The following COLGALT1 variants were observed in gnomAD, a reference collection of about 807,000 sequenced individuals.
The protein encoded by COLGALT1 is collagen beta(1-O)galactosyltransferase 1.
Under a neutral mutation model 60.8 loss-of-function variants are expected in COLGALT1, and 43 were observed. The ratio of observed to expected loss-of-function variants is 0.71; its 90% CI spans 0.55 to 0.91. The LOEUF is 0.91. Ranked by LOEUF, COLGALT1 falls within the 40% of genes least tolerant of loss-of-function variation. The pLI is 0.00. For missense variants in COLGALT1, 845 were observed against 880.0 expected (o/e 0.96, Z 0.50); for synonymous variants, 369 against 374.2 (o/e 0.99, Z 0.16).
At chr19:17,577,593 A>G (rs1372519529) in intron 8 of COLGALT1, 126 bp downstream of exon 8, 1 of 870,964 alleles carries the variant, frequency 1.1e-6, no homozygotes, top group East Asian at 2.7e-5. Flanking sequence ...AGACCTCGTC[A>G]GTGGGCGTCC....
chr19:17,564,319 A>T (rs367878687), intron 3 of COLGALT1, among the ~76,000 whole-genome samples: 82 of 151,096 alleles, frequency 5.4e-4, no homozygotes, highest in African/African-American at 2.0e-3. Context: ...ATATACGTGT[A>T]TATGTATATA....
chr19:17,576,252 TGC>T (rs1568480424), intron 6 of COLGALT1, among the ~76,000 whole-genome samples: 1 of 152,066 alleles, frequency 6.6e-6, no homozygotes, highest in African/African-American at 2.4e-5. Context: ...GCTTTGGTGG[TGC>T]AAGTCCAGGT....
At chr19:17,571,263 A>G (rs1353236855) in intron 5 of COLGALT1, among the ~76,000 whole-genome samples, 2 of 152,008 alleles carry the variant, frequency 1.3e-5, no homozygotes, top group Non-Finnish European at 2.9e-5. Flanking sequence ...CTAAAAATAC[A>G]AAAATTGGCT....
rs776665925 is a variant in COLGALT1, at chr19:17,577,232, G to A, written c.987G>A (p.Ser329=). The stretch of plus-strand genomic sequence containing the variant: ...CCGCAGAGCCCTCCCGCTTCATCTC[G>A]GCTCCCACCAAGACACCGGACAAGA... ...HPPAEPSRFI[S]APTKTPDKMG... is the part of the protein sequence containing the mutation. Residue 329 remains serine, a synonymous_variant, in exon 7 of 12, where the codon TCG becomes TCA. Coordinates refer to ENST00000252599, the MANE Select transcript of COLGALT1 (RefSeq NM_024656.4). The A allele has an allele frequency of 6.2e-7, 1 of 1,613,140 alleles. No homozygotes were observed. Among genetic ancestry groups the A allele is most frequent in the Admixed American group, 1.7e-5 (1 of 59,944 alleles).
intron 6 of COLGALT1, 26 bp from the exon 7 acceptor site, chr19:17,577,169 G>A: frequency 6.2e-7 from 1 of 1,610,870 alleles, no homozygotes; most frequent in East Asian, 2.2e-5. Flanking sequence ...TTACCCCAGC[G>A]ACTCCTCAAC....
Position 17,581,560 on chromosome 19 carries a change from G to A in COLGALT1, c.*116G>A. On this transcript the variant is annotated 3_prime_UTR_variant, in exon 12 of 12. Transcript: ENST00000252599. The stretch of plus-strand genomic sequence containing the variant: ...CAGGCCACAGAGGGCTCTCGTGTGG[G>A]GTGGTGTCCAGCCAGCTCTTGCTAA... The A allele has an allele frequency of 1.5e-6, 2 of 1,355,810 alleles. No individual in the cohort carries two copies. The highest frequency in any genetic ancestry group is 2.0e-4 in the Middle Eastern group (1 of 5,018). 84.0% of individuals were successfully genotyped at this position (1,355,810 alleles called of 1,614,324 possible). A position where few individuals can be genotyped will look rare whatever the true frequency, so the allele number is the denominator to read the frequency against.
rs142308296 is a variant in COLGALT1 at position 17,568,557 on chromosome 19, C to T, written c.673C>T (p.Arg225Cys). 8.8e-5 allele frequency: 142 copies of T among 1,614,220 alleles called. No individual in the cohort carries two copies. Among genetic ancestry groups the T allele is most frequent in the Non-Finnish European group, 1.1e-4 (127 of 1,180,050 alleles). The part of the protein sequence containing the change: ...PAYIPIRKRD[R>C]RGCFAVPMVH... ...CTACATCCCTATCCGCAAGCGAGAC[C>T]GCCGGGGCTGCTTTGCAGTTCCCAT... The change falls in exon 5 of 12, where the codon CGC becomes TGC. Residue 225 changes from arginine (R) to cysteine (C), a missense_variant. By Grantham distance (180) the Arg-to-Cys change is radical. Coordinates refer to ENST00000252599, the MANE Select transcript of COLGALT1 (RefSeq NM_024656.4).
intron 5 of COLGALT1, 133 bp downstream of exon 5, chr19:17,568,846 C>T (rs996500597): frequency 6.0e-6 from 5 of 840,226 alleles, no homozygotes; most frequent in Admixed American, 4.3e-5. Flanking sequence ...TCAGGTGCAG[C>T]TGTATCTAGG....
At chr19:17,576,113 G>A (rs2076338959) in intron 6 of COLGALT1, among the ~76,000 whole-genome samples, 1 of 152,220 alleles carries the variant, frequency 6.6e-6, no homozygotes, top group Admixed American at 6.5e-5. Flanking sequence ...ATTACTGAGT[G>A]CCTGCTGTGT....
chr19:17,555,736 G>T lies in COLGALT1; in HGVS notation c.23G>T (p.Gly8Val). MAAAPRA[G>V]RRRGQPLLAL... ...GCGATGGCGGCGGCCCCACGCGCGGGCCGGCGGCGCGGGCAGCCGCTCCTG... is the reference window on the plus strand; with the variant it reads ...GCGATGGCGGCGGCCCCACGCGCGGTCCGGCGGCGCGGGCAGCCGCTCCTG... The change falls in exon 1 of 12, where the codon GGC becomes GTC. Residue 8 changes from glycine to valine, a missense_variant. Coordinates refer to ENST00000252599, the MANE Select transcript of COLGALT1 (RefSeq NM_024656.4). 1 of 1,203,168 alleles carries T rather than the reference G, an allele frequency of 8.3e-7. No individual in the cohort carries two copies. 74.5% of individuals were successfully genotyped at this position (1,203,168 alleles called of 1,614,324 possible). A position where few individuals can be genotyped will look rare whatever the true frequency, so the allele number is the denominator to read the frequency against.
In COLGALT1 at chr19:17,558,928, A is replaced by G. The variant is rs1398857162; in HGVS notation, c.261-383A>G. ...TTAAGTCCAGCACTTTGGGAGGCCA[A>G]GGTGGGCGGATCACGAGGTCAGGAG... On this transcript the variant is annotated intron_variant, in intron 1 of 11. Coordinates refer to ENST00000252599, the MANE Select transcript of COLGALT1 (RefSeq NM_024656.4). Among the ~76,000 whole-genome samples the G allele has an allele frequency of 2.0e-5, 3 of 152,054 alleles. No homozygotes were observed. The East Asian group carries it at 5.8e-4, about 30-fold the overall frequency.
chr19:17,562,485 A>G (rs2076254913), intron 3 of COLGALT1, among the ~76,000 whole-genome samples: 1 of 152,124 alleles, frequency 6.6e-6, no homozygotes, highest in Admixed American at 6.6e-5. Context: ...CAACATGGTG[A>G]AACCCTGTTT....
chr19:17,580,466 C>T, intron 10 of COLGALT1: 1 of 580,176 alleles, frequency 1.7e-6, no homozygotes, highest in Non-Finnish European at 3.1e-6. Context: ...CTGCTCTCCC[C>T]AGCTCCAGAT....
chr19:17,569,891 C>CCTTTTTTTTTTTT (rs749016124), intron 5 of COLGALT1, among the ~76,000 whole-genome samples: 1 of 98,740 alleles, frequency 1.0e-5, no homozygotes, highest in African/African-American at 3.9e-5. Context: ...CCACTAATTA[C>CCTTTTTTTTTTTT]TTTTTTTTTT....
chr19:17,568,369 G>C (rs2076291299), intron 4 of COLGALT1, 140 bp from the exon 5 acceptor site: 1 of 716,196 alleles, frequency 1.4e-6, no homozygotes. Flanking sequence ...CACTGGGCTT[G>C]AGTCTGGGGT....
At chr19:17,580,487 T>C (rs2076373553) in intron 10 of COLGALT1, 3 of 593,204 alleles carry the variant, frequency 5.1e-6, no homozygotes, top group Non-Finnish European at 9.0e-6. Context: ...CCTCCATGGC[T>C]CCCTCACGCC....
chr19:17,555,744 C>A lies in COLGALT1; in HGVS notation c.31C>A (p.Arg11Ser), dbSNP rs898945714. ...GGCGGCCCCACGCGCGGGCCGGCGG[C>A]GCGGGCAGCCGCTCCTGGCGCTGCT... MAAAPRAGRRRGQPLLALLLL... is the reference protein window; with the variant it reads MAAAPRAGRRSGQPLLALLLL... The change falls in exon 1 of 12, where the codon CGC becomes AGC. Residue 11 changes from arginine (R) to serine (S), a missense_variant. Coordinates refer to ENST00000252599, the MANE Select transcript of COLGALT1 (RefSeq NM_024656.4). The A allele has an allele frequency of 3.3e-6, 4 of 1,208,960 alleles. No homozygotes were observed. In the African/African-American group the frequency reaches 4.7e-5, roughly 14 times the overall value. 74.9% of individuals were successfully genotyped at this position (1,208,960 alleles called of 1,614,324 possible).
At chr19:17,580,388 G>A (rs1284669644) in intron 10 of COLGALT1, 7 of 385,748 alleles carry the variant, frequency 1.8e-5, no homozygotes, top group Non-Finnish European at 9.5e-6. Context: ...AGGGCACCTC[G>A]CCCACCTCCA....
intron 6 of COLGALT1, among the ~76,000 whole-genome samples, chr19:17,575,573 G>T (rs750941593): frequency 6.6e-6 from 1 of 151,990 alleles, no homozygotes; most frequent in Non-Finnish European, 1.5e-5. Flanking sequence ...TGGGGACAGG[G>T]TTTCAGTATG....
Sources: gnomAD v4.1 joint callset for allele counts (sites outside exome capture counted in the v4.1 genomes callset) on GRCh38, gnomAD v4.1.1 for gene constraint, MANE v1.5 for transcripts, NCBI Gene and HGNC (gene_info 2026-07-23, HGNC 2026-07-21) for gene names.